ANO1: variants seen among roughly 807,000 people sequenced by gnomAD.
ANO1 encodes the protein anoctamin 1.
A neutral mutation model predicts 124.0 loss-of-function variants in ANO1; 59 were observed. The ratio of observed to expected loss-of-function variants is 0.48; its 90% CI spans 0.39 to 0.59. ANO1 has a LOEUF of 0.59. Among genes scored for constraint, ANO1 ranks in the 20% least tolerant of loss-of-function variants. ANO1 has a pLI of 0.00. For synonymous variants in ANO1, 529 were observed against 532.0 expected (o/e 0.99, Z 0.08); for missense variants, 1,059 against 1,328.0 (o/e 0.80, Z 3.15).
rs761471885 is a variant in ANO1 at position 70,104,145 on chromosome 11, G to A, written c.687G>A (p.Gln229=). Residue 229 remains glutamine (Q), a synonymous_variant, in exon 4 of 26, where the codon CAG becomes CAA. Transcript: ENST00000355303. The stretch of plus-strand genomic sequence containing the variant: ...CCTATCCCTTCTCCCGGGAGAAGCA[G>A]CATCTGTAAGTGGGGACCCCCAGCC... ...RLSYPFSREK[Q]HLFDLSDKDS... 5.0e-6 allele frequency: 8 copies of A among 1,590,782 alleles called. No individual in the cohort carries two copies. The African/African-American group carries it at 6.7e-5, about 13-fold the overall frequency.
chr11:69,976,305 C>T, the ANO1 span, among the ~76,000 whole-genome samples: 1 of 151,840 alleles, frequency 6.6e-6, no homozygotes, highest in Non-Finnish European at 1.5e-5. Context: ...GTCAGGAGTT[C>T]GAGACCATCC....
At chr11:70,015,418 C>T (rs1196759738) in intron 1 of ANO1, among the ~76,000 whole-genome samples, 8 of 152,162 alleles carry the variant, frequency 5.3e-5, no homozygotes, top group East Asian at 1.9e-4. Flanking sequence ...TATGGCCCAG[C>T]GCAGGTTCAG....
At chr11:69,972,062 A>AAAAT in the ANO1 span, among the ~76,000 whole-genome samples, 65,268 of 149,140 alleles carry the variant, frequency 0.44, 16,240 homozygotes, top group South Asian at 0.63. Context: ...CTCTACTAAA[A>AAAAT]AAATAAATAA....
At chr11:70,141,562 C>A (rs751549916) in intron 11 of ANO1, 2 of 152,240 alleles carry the variant, frequency 1.3e-5, no homozygotes, top group Non-Finnish European at 2.9e-5. Flanking sequence ...GCCACTCCCA[C>A]GAAGCATTTG....
In ANO1 at chr11:70,046,946, T is replaced by A. The variant is rs113987236; in HGVS notation, c.59-31596T>A. Among the ~76,000 whole-genome samples the A allele has an allele frequency of 0.014, 2,155 of 151,260 alleles. 108 individuals carry two copies. In the East Asian group the frequency reaches 0.16, roughly 11 times the overall value. ...AAAAATAAGAATTAGCCAGGCCTGG[T>A]TCAGGCACCTGTAATTCCAGCTACT... On this transcript the variant is annotated intron_variant, in intron 1 of 27. Coordinates refer to the ANO1 transcript ENST00000531349.
chr11:70,179,392 A>C (rs1394600895), intron 22 of ANO1, among the ~76,000 whole-genome samples: 1 of 152,082 alleles, frequency 6.6e-6, no homozygotes, highest in East Asian at 1.9e-4. Flanking sequence ...GCTAGTTCTC[A>C]TGGCCACTGG....
In ANO1 at chr11:70,188,908, A is replaced by G. The variant is rs1018869526; in HGVS notation, c.*904A>G. The G allele has an allele frequency of 5.3e-5, 8 of 151,826 alleles. No homozygotes were observed. In the South Asian group the frequency reaches 1.5e-3, roughly 28 times the overall value. 9.4% of individuals were successfully genotyped at this position (151,826 alleles called of 1,614,324 possible). On this transcript the variant is annotated 3_prime_UTR_variant, in exon 26 of 26. Transcript: ENST00000355303. ...ATGGGTTTTTTTTCAAATATCAATTATATGGTAGATTGAGGATTTTTTTTC... is the reference window on the plus strand; with the variant it reads ...ATGGGTTTTTTTTCAAATATCAATTGTATGGTAGATTGAGGATTTTTTTTC...
chr11:70,065,281 T>C (rs2135123344), intron 1 of ANO1: 1 of 152,418 alleles, frequency 6.6e-6, no homozygotes, highest in Non-Finnish European at 1.5e-5. Flanking sequence ...GAGGTTTCCA[T>C]CACAGCGGTT....
chr11:70,004,145 C>G (rs7119487), intron 1 of ANO1, among the ~76,000 whole-genome samples: 73,855 of 151,856 alleles, frequency 0.49, 19,209 homozygotes, highest in East Asian at 0.89. Context: ...AGTGGTCTCA[C>G]CACCCTGCAC....
intron 1 of ANO1, among the ~76,000 whole-genome samples, chr11:70,057,737 A>G (rs1318946584): frequency 1.3e-5 from 2 of 152,160 alleles, no homozygotes; most frequent in Non-Finnish European, 1.5e-5. Flanking sequence ...GTGGAAAGTC[A>G]TCAGTTAAGG....
intron 1 of ANO1, among the ~76,000 whole-genome samples, chr11:70,009,575 C>G (rs1021451586): frequency 5.3e-5 from 8 of 151,912 alleles, no homozygotes; most frequent in Admixed American, 1.3e-4. Context: ...TTTTGCGTTG[C>G]TATAAAGGAA....
At chr11:70,119,799 G>A (rs969784999) in intron 8 of ANO1, among the ~76,000 whole-genome samples, 2 of 151,710 alleles carry the variant, frequency 1.3e-5, no homozygotes, top group African/African-American at 4.8e-5. Context: ...GGACAGGTAG[G>A]TGAATAGATG....
At chr11:70,123,836 C>T (rs1292217365) in intron 8 of ANO1, among the ~76,000 whole-genome samples, 1 of 152,192 alleles carries the variant, frequency 6.6e-6, no homozygotes. Context: ...TACATGTTCA[C>T]ACAAGGCTTC....
At chr11:70,117,578 C>T (rs1167656505) in intron 8 of ANO1, among the ~76,000 whole-genome samples, 1 of 152,140 alleles carries the variant, frequency 6.6e-6, no homozygotes, top group African/African-American at 2.4e-5. Context: ...GGCCCACACC[C>T]GATACCAGCC....
intron 1 of ANO1, among the ~76,000 whole-genome samples, chr11:69,995,745 G>A (rs1856257217): frequency 6.6e-6 from 1 of 152,160 alleles, no homozygotes; most frequent in Non-Finnish European, 1.5e-5. Flanking sequence ...ACTTATCACT[G>A]CTGGTATGGA....
intron 8 of ANO1, among the ~76,000 whole-genome samples, chr11:70,122,795 T>C (rs1384993435): frequency 6.6e-6 from 1 of 151,972 alleles, no homozygotes; most frequent in Non-Finnish European, 1.5e-5. Context: ...CCTTCCCTCC[T>C]CCTCACTCTC....
chr11:70,050,923 G>A (rs182919885), intron 1 of ANO1, among the ~76,000 whole-genome samples: 13 of 152,282 alleles, frequency 8.5e-5, no homozygotes, highest in African/African-American at 2.6e-4. Context: ...GGAAAGCAAC[G>A]TGATGCATGG....
intron 8 of ANO1, among the ~76,000 whole-genome samples, chr11:70,123,541 G>A (rs930285384): frequency 1.3e-5 from 2 of 152,196 alleles, no homozygotes; most frequent in Admixed American, 1.3e-4. Flanking sequence ...TCTGAGTTTG[G>A]GAGGCAGCTT....
chr11:69,974,239 A>G, the ANO1 span, among the ~76,000 whole-genome samples: 31 of 151,712 alleles, frequency 2.0e-4, no homozygotes, highest in South Asian at 8.4e-4. Context: ...GAAACGCTTG[A>G]ACCTGGGAAG....
Sources: gnomAD v4.1 joint callset for allele counts (sites outside exome capture counted in the v4.1 genomes callset) on GRCh38, gnomAD v4.1.1 for gene constraint, MANE v1.5 for transcripts, NCBI Gene and HGNC (gene_info 2026-07-23, HGNC 2026-07-21) for gene names.